Variants in PRELID2 observed in about 807,000 individuals in gnomAD.
PRELID2 encodes the protein PRELI domain containing 2.
In PRELID2, 25 loss-of-function variants were observed where a neutral mutation model predicts 28.4. The observed-to-expected ratio is 0.88, with a 90% CI of 0.64 to 1.23. The LOEUF is 1.23. Ranked by LOEUF, PRELID2 falls within the 50% of genes most tolerant of loss-of-function variation. The pLI, the probability that PRELID2 is intolerant of heterozygous loss-of-function variation, is 0.00. For missense variants in PRELID2, 201 were observed against 214.4 expected, an observed-to-expected ratio of 0.94 and a Z score of 0.39; for synonymous variants, 76 against 71.6, an observed-to-expected ratio of 1.06 and a Z score of -0.31.
chr5:145,557,614 G>A (rs545635803), intron 1 of PRELID2, among the ~76,000 whole-genome samples: 16 of 152,344 alleles, frequency 1.1e-4, no homozygotes, highest in African/African-American at 3.8e-4. Flanking sequence ...AGAAACAGTA[G>A]AAAGGAATAG....
At chr5:145,741,255 A>C (rs1158618622) in intron 1 of PRELID2, among the ~76,000 whole-genome samples, 6 of 113,666 alleles carry the variant, frequency 5.3e-5, no homozygotes, top group Admixed American at 3.3e-4. Flanking sequence ...TATAATATAT[A>C]AATAATATAT....
At chr5:145,658,080 G>A (rs1256865967) in intron 1 of PRELID2, among the ~76,000 whole-genome samples, 2 of 152,302 alleles carry the variant, frequency 1.3e-5, no homozygotes, top group South Asian at 2.1e-4. Context: ...GCCTGGCAAT[G>A]TGTTAGGCAC....
intron 5 of PRELID2, among the ~76,000 whole-genome samples, chr5:145,784,711 T>C (rs1166308949): frequency 6.6e-6 from 1 of 151,194 alleles, no homozygotes; most frequent in Admixed American, 6.6e-5. Context: ...TTCCAAGGAA[T>C]ATGTAATGAC....
At chr5:145,718,897 C>G (rs775854734) in intron 1 of PRELID2, among the ~76,000 whole-genome samples, 51 of 151,778 alleles carry the variant, frequency 3.4e-4, no homozygotes, top group Non-Finnish European at 4.3e-4. Context: ...ACAGGTAGAA[C>G]CATAAAGTTA....
intron 1 of PRELID2, among the ~76,000 whole-genome samples, chr5:145,595,412 A>G (rs1476363863): frequency 2.6e-5 from 4 of 152,148 alleles, no homozygotes; most frequent in African/African-American, 9.7e-5. Context: ...CAAATCAAAG[A>G]GCTCAAAATT....
intron 4 of PRELID2, among the ~76,000 whole-genome samples, chr5:145,807,550 G>T (rs976933996): frequency 1.3e-5 from 2 of 151,738 alleles, no homozygotes; most frequent in African/African-American, 4.8e-5. Flanking sequence ...CAGAGTCAAA[G>T]AGCACATAAA....
intron 5 of PRELID2, among the ~76,000 whole-genome samples, chr5:145,766,197 C>T (rs1340166251): frequency 3.3e-5 from 5 of 152,144 alleles, no homozygotes; most frequent in Non-Finnish European, 7.3e-5. Flanking sequence ...GGAAAGGGAG[C>T]TGCTATTTTC....
chr5:145,618,842 G>C (rs1753735475), intron 1 of PRELID2, among the ~76,000 whole-genome samples: 1 of 152,110 alleles, frequency 6.6e-6, no homozygotes, highest in Non-Finnish European at 1.5e-5. Context: ...GACCCTCCTT[G>C]GGTGGGTCTT....
chr5:145,363,070 A>C, the PRELID2 span, among the ~76,000 whole-genome samples: 2 of 151,680 alleles, frequency 1.3e-5, no homozygotes, highest in Non-Finnish European at 2.9e-5. Context: ...AAAAAAAAAA[A>C]AACAAGGCCT....
the PRELID2 span, among the ~76,000 whole-genome samples, chr5:145,232,128 G>A: frequency 6.6e-6 from 1 of 152,116 alleles, no homozygotes; most frequent in Non-Finnish European, 1.5e-5. Flanking sequence ...CCTTGGTTAT[G>A]CTGAGTGACG....
At chr5:145,624,828 T>C (rs1231963921) in intron 1 of PRELID2, among the ~76,000 whole-genome samples, 2 of 152,120 alleles carry the variant, frequency 1.3e-5, no homozygotes, top group African/African-American at 2.4e-5. Context: ...ATTTGCAACA[T>C]GTGTAATCAA....
the PRELID2 span, among the ~76,000 whole-genome samples, chr5:145,324,083 G>T: frequency 6.6e-6 from 1 of 152,124 alleles, no homozygotes; most frequent in East Asian, 1.9e-4. Context: ...TCCCACCAGT[G>T]GTGAATATGC....
the PRELID2 span, among the ~76,000 whole-genome samples, chr5:145,269,876 G>GTATA: frequency 0.033 from 4,843 of 147,252 alleles, 260 homozygotes; most frequent in African/African-American, 0.11. Flanking sequence ...ACATATATAT[G>GTATA]TATATATATA....
chr5:145,325,127 A>T, the PRELID2 span, among the ~76,000 whole-genome samples: 5 of 130,812 alleles, frequency 3.8e-5, no homozygotes, highest in Non-Finnish European at 8.4e-5. Context: ...TTAAACTTTT[A>T]AAAACATGCA....
chr5:145,307,157 C>T, the PRELID2 span, among the ~76,000 whole-genome samples: 2 of 152,276 alleles, frequency 1.3e-5, no homozygotes, highest in East Asian at 3.9e-4. Flanking sequence ...GACCTCATGG[C>T]CTAAGGCATG....
rs1261757687 is a variant in PRELID2 at position 145,756,813 on chromosome 5, T to C, written c.*3723A>G. ...ACAATTTCCCAACCCCAGGGCAAAT[T>C]AGAGAAAGCTTCCTAGAGGTAGGCA... On this transcript the variant is annotated 3_prime_UTR_variant, in exon 7 of 7. Coordinates refer to ENST00000683046, the MANE Select transcript of PRELID2 (RefSeq NM_205846.3). Among the ~76,000 whole-genome samples the C allele has an allele frequency of 2.6e-5, 4 of 152,054 alleles. No individual in the cohort carries two copies. Among genetic ancestry groups the C allele is most frequent in the Non-Finnish European group, 5.9e-5 (4 of 68,026 alleles).
At chr5:145,701,867 T>C (rs187892099) in intron 1 of PRELID2, among the ~76,000 whole-genome samples, 1 of 152,026 alleles carries the variant, frequency 6.6e-6, no homozygotes, top group East Asian at 1.9e-4. Flanking sequence ...GCCTGACCAA[T>C]GTGGTGAAAC....
chr5:145,555,990 C>T (rs1014538574), intron 1 of PRELID2, among the ~76,000 whole-genome samples: 4 of 151,822 alleles, frequency 2.6e-5, no homozygotes, highest in African/African-American at 9.7e-5. Context: ...CTAGCCTGGG[C>T]AACACAGTGA....
chr5:145,296,898 G>C, the PRELID2 span, among the ~76,000 whole-genome samples: 1 of 152,110 alleles, frequency 6.6e-6, no homozygotes, highest in Non-Finnish European at 1.5e-5. Context: ...CTGGTGTGAG[G>C]TGGTATCTCA....
Sources: gnomAD v4.1 joint callset for allele counts (sites outside exome capture counted in the v4.1 genomes callset) on GRCh38, gnomAD v4.1.1 for gene constraint, MANE v1.5 for transcripts, NCBI Gene and HGNC (gene_info 2026-07-23, HGNC 2026-07-21) for gene names.